The following ARPC2 variants were observed in gnomAD, a reference collection of about 807,000 sequenced individuals.
The protein encoded by ARPC2 is actin-related protein 2/3 complex subunit 2.
ARPC2 carries 4 observed loss-of-function variants against 38.6 expected under a neutral mutation model. The ratio of observed to expected loss-of-function variants is 0.10; its 90% CI spans 0.05 to 0.24. The LOEUF is 0.24. Ranked by LOEUF, ARPC2 falls within the 10% of genes least tolerant of loss-of-function variation. ARPC2 has a pLI of 1.00. For synonymous variants in ARPC2, 125 were observed against 140.8 expected (o/e 0.89, Z 0.79); for missense variants, 229 against 387.3 (o/e 0.59, Z 3.43).
chr2:218,243,538 G>A (rs972899001), intron 7 of ARPC2, among the ~76,000 whole-genome samples: 3 of 152,216 alleles, frequency 2.0e-5, no homozygotes, highest in East Asian at 3.8e-4. Context: ...AGCACTTTGC[G>A]GGGCCTAGGC....
chr2:218,242,148 G>C (rs1689930706), intron 7 of ARPC2, among the ~76,000 whole-genome samples: 1 of 152,160 alleles, frequency 6.6e-6, no homozygotes, highest in Admixed American at 6.5e-5. Flanking sequence ...TGGCAAGCAG[G>C]CTCTGAGGGA....
intron 2 of ARPC2, among the ~76,000 whole-genome samples, chr2:218,219,701 G>A (rs896698688): frequency 7.2e-5 from 11 of 152,134 alleles, no homozygotes; most frequent in African/African-American, 2.7e-4. Context: ...GTGCACTGGT[G>A]TGTATGCTTG....
At chr2:218,253,437 G>T (rs1209590568) in intron 10 of ARPC2, among the ~76,000 whole-genome samples, 3 of 152,210 alleles carry the variant, frequency 2.0e-5, no homozygotes, top group African/African-American at 2.4e-5. Flanking sequence ...TCTGAGGATT[G>T]CTCTGAACCA....
At chr2:218,245,673 G>A in intron 8 of ARPC2, 127 bp downstream of exon 8, 3 of 1,304,742 alleles carry the variant, frequency 2.3e-6, no homozygotes, top group Non-Finnish European at 2.1e-6. Flanking sequence ...ACTTGTTCCT[G>A]TTGCCATTGC....
chr2:218,243,732 C>T lies in ARPC2; in HGVS notation c.550-1688C>T, dbSNP rs191782590. On this transcript the variant is annotated intron_variant, in intron 7 of 10. Coordinates refer to ENST00000315717, the MANE Select transcript of ARPC2 (RefSeq NM_152862.3). ...TGGAGGTTGCAGTGAGCCAAGATCA[C>T]GCCACTGCACTCCAGCCTGGGTGAC... Among the ~76,000 whole-genome samples, 61 of 152,260 alleles carry T rather than the reference C, an allele frequency of 4.0e-4. 2 individuals carry two copies. In the South Asian group the frequency reaches 5.4e-3, roughly 13 times the overall value.
At chr2:218,235,150 C>T in intron 5 of ARPC2, 1 of 287,470 alleles carries the variant, frequency 3.5e-6, no homozygotes, top group East Asian at 1.0e-4. Context: ...CTCTTAACAG[C>T]AGTTACTTGT....
At chr2:218,243,640 A>G (rs1288326775) in intron 7 of ARPC2, among the ~76,000 whole-genome samples, 1 of 152,130 alleles carries the variant, frequency 6.6e-6, no homozygotes, top group Non-Finnish European at 1.5e-5. Flanking sequence ...GCCGGGAATG[A>G]TGGCACACGC....
At chr2:218,238,631 G>GTTT (rs763231291) in intron 5 of ARPC2, 33 bp from the exon 6 acceptor site, 12 of 807,544 alleles carry the variant, frequency 1.5e-5, no homozygotes, top group South Asian at 2.3e-5. Context: ...CTGCTGGGTT[G>GTTT]TTTTTTGTTT....
At chr2:218,246,861 C>T (rs1428201241) in intron 8 of ARPC2, among the ~76,000 whole-genome samples, 1 of 152,064 alleles carries the variant, frequency 6.6e-6, no homozygotes, top group Non-Finnish European at 1.5e-5. Flanking sequence ...GTCTATAGTC[C>T]CAGCTACTCG....
chr2:218,234,969 C>T (rs1245655846), intron 5 of ARPC2: 1 of 429,296 alleles, frequency 2.3e-6, no homozygotes, highest in African/African-American at 2.0e-5. Context: ...AAAAACTGAA[C>T]AGCCTTTTTA....
chr2:218,239,342 A>C, intron 6 of ARPC2, 49 bp from the exon 7 acceptor site: 16 of 1,367,334 alleles, frequency 1.2e-5, no homozygotes, highest in Non-Finnish European at 1.6e-5. Flanking sequence ...TTATTGACAA[A>C]ACCCCATTCT....
intron 4 of ARPC2, among the ~76,000 whole-genome samples, chr2:218,231,489 C>T (rs1315942491): frequency 6.6e-6 from 1 of 152,182 alleles, no homozygotes; most frequent in Non-Finnish European, 1.5e-5. Context: ...ATAGTACGTG[C>T]AACACAGACT....
chr2:218,238,610 TTTA>T (rs1279187302), intron 5 of ARPC2, 51 bp from the exon 6 acceptor site: 75 of 845,044 alleles, frequency 8.9e-5, no homozygotes, highest in South Asian at 7.9e-4. Context: ...TTTTTTTTTT[TTTA>T]AATGTAACTG....
At position 218,239,498 on chromosome 2, in the gene ARPC2, A is replaced by G. The variant is rs1247954825; in HGVS notation, c.549+14A>G. On this transcript the variant is annotated intron_variant, in intron 7 of 10. Coordinates refer to ENST00000315717, the MANE Select transcript of ARPC2 (RefSeq NM_152862.3). ...GTGTTCATGCAGGTATGGAGCAGAC[A>G]TCTTGGGGGAAACCCATGCATGGCG... 2 of 1,605,110 alleles carry G rather than the reference A, an allele frequency of 1.2e-6. No homozygotes were observed. Among genetic ancestry groups the G allele is most frequent in the East Asian group, 2.2e-5 (1 of 44,834 alleles).
intron 4 of ARPC2, among the ~76,000 whole-genome samples, chr2:218,232,055 C>A (rs1253648361): frequency 6.6e-6 from 1 of 152,118 alleles, no homozygotes; most frequent in Non-Finnish European, 1.5e-5. Flanking sequence ...GCCTGGGCAA[C>A]ATGGTGAAAC....
At chr2:218,242,981 T>C (rs1322766006) in intron 7 of ARPC2, among the ~76,000 whole-genome samples, 1 of 152,186 alleles carries the variant, frequency 6.6e-6, no homozygotes, top group African/African-American at 2.4e-5. Context: ...TAATCAGTCT[T>C]GCCTTTTATG....
At chr2:218,245,654 G>GTTT in intron 8 of ARPC2, 108 bp downstream of exon 8, 1 of 1,451,318 alleles carries the variant, frequency 6.9e-7, no homozygotes, top group Non-Finnish European at 9.4e-7. Flanking sequence ...GGCAAACGCA[G>GTTT]GCATACCAAC....
chr2:218,233,112 T>C (rs1689678683), intron 4 of ARPC2: 1 of 152,016 alleles, frequency 6.6e-6, no homozygotes, highest in Admixed American at 6.6e-5. Flanking sequence ...CAGTGAGCTA[T>C]TGTATCAATG....
At chr2:218,229,809 G>C (rs1240854294) in intron 4 of ARPC2, among the ~76,000 whole-genome samples, 1 of 152,096 alleles carries the variant, frequency 6.6e-6, no homozygotes, top group African/African-American at 2.4e-5. Flanking sequence ...AATATTTAGA[G>C]GATTTGGAAT....
Sources: allele counts gnomAD v4.1 joint callset (sites outside exome capture counted in the v4.1 genomes callset), GRCh38; gene constraint gnomAD v4.1.1; transcripts MANE v1.5; gene names NCBI Gene and HGNC (gene_info 2026-07-23, HGNC 2026-07-21).